ACSM6: variants seen among roughly 807,000 people sequenced by gnomAD.
The protein encoded by ACSM6 is acyl-coenzyme A synthetase ACSM6, mitochondrial.
ACSM6 carries 35 observed loss-of-function variants against 51.1 expected under a neutral mutation model. The observed-to-expected ratio is 0.69, with a 90% CI of 0.52 to 0.91. The LOEUF (loss-of-function observed/expected upper bound fraction) is 0.91. Ranked by LOEUF, ACSM6 falls within the 40% of genes least tolerant of loss-of-function variation. ACSM6 has a pLI of 0.00. For synonymous variants in ACSM6, 172 were observed against 207.3 expected (o/e 0.83, Z 1.46); for missense variants, 509 against 584.1 (o/e 0.87, Z 1.32).
At chr10:95,197,953 A>T (rs1208771265) in intron 2 of ACSM6, among the ~76,000 whole-genome samples, 1 of 152,246 alleles carries the variant, frequency 6.6e-6, no homozygotes, top group Non-Finnish European at 1.5e-5. Context: ...GACTTTTACC[A>T]AGTATACTGC....
At position 95,225,207 on chromosome 10, in the gene ACSM6, G is replaced by A. The variant is rs563240511; in HGVS notation, c.1201-83G>A. 3.3e-5 allele frequency: 34 copies of A among 1,030,044 alleles called. No individual in the cohort carries two copies. The East Asian group carries it at 8.1e-4, about 25-fold the overall frequency. 63.8% of individuals were successfully genotyped at this position (1,030,044 alleles called of 1,614,324 possible). A position where few individuals can be genotyped will look rare whatever the true frequency, so the allele number is the denominator to read the frequency against. On this transcript the variant is annotated intron_variant, in intron 9 of 10. Coordinates refer to ENST00000341686, the Ensembl canonical transcript of ACSM6. The stretch of plus-strand genomic sequence containing the variant: ...TGGCATCTTAAATGGGGGTAGAAAG[G>A]CTTAAGTTTAGATCTTGTGGTGTTT...
chr10:95,202,938 CAAAA>C (rs35376103), intron 3 of ACSM6, among the ~76,000 whole-genome samples: 1 of 85,920 alleles, frequency 1.2e-5, no homozygotes, highest in Admixed American at 1.3e-4. Flanking sequence ...GGCTCTGTCT[CAAAA>C]AAAAAAAAAA....
At chr10:95,203,086 C>A (rs2034810293) in intron 3 of ACSM6, among the ~76,000 whole-genome samples, 1 of 152,150 alleles carries the variant, frequency 6.6e-6, no homozygotes, top group Non-Finnish European at 1.5e-5. Flanking sequence ...TACAGCCACT[C>A]CCCATTGCTT....
chr10:95,197,314 C>G (rs924055788), intron 2 of ACSM6, among the ~76,000 whole-genome samples: 3 of 152,134 alleles, frequency 2.0e-5, no homozygotes. Context: ...CCCAGGGGAC[C>G]GGCACTCAGC....
exon 2 of ACSM6, chr10:95,194,598 C>T (rs1368846171): frequency 6.4e-7 from 1 of 1,552,170 alleles, no homozygotes; most frequent in Non-Finnish European, 8.7e-7. Context: ...CCCCCTGACT[C>T]CAGGTGCCTA....
intron 3 of ACSM6, among the ~76,000 whole-genome samples, chr10:95,203,857 TAAAAAAAAAAA>T (rs34969526): frequency 2.8e-5 from 3 of 106,870 alleles, no homozygotes; most frequent in African/African-American, 7.4e-5. Flanking sequence ...ATGCTAGATT[TAAAAAAAAAAA>T]AAAAAAAAAA....
chr10:95,195,435 G>A (rs752706592), intron 2 of ACSM6, among the ~76,000 whole-genome samples: 3 of 152,212 alleles, frequency 2.0e-5, no homozygotes, highest in Non-Finnish European at 4.4e-5. Flanking sequence ...TATAGGGTCA[G>A]AGGGAAGAGT....
intron 9 of ACSM6, among the ~76,000 whole-genome samples, chr10:95,223,838 T>C (rs1285818777): frequency 2.0e-5 from 3 of 152,072 alleles, no homozygotes; most frequent in Non-Finnish European, 2.9e-5. Context: ...AGCATCCCAA[T>C]TGGAAAAGAA....
chr10:95,212,105 C>T (rs2034899097), intron 6 of ACSM6, 71 bp downstream of exon 6: 3 of 1,570,842 alleles, frequency 1.9e-6, no homozygotes, highest in Non-Finnish European at 1.7e-6. Context: ...GACCCAGTGA[C>T]TCATGCCCAG....
chr10:95,207,499 G>A, intron 4 of ACSM6, 84 bp downstream of exon 4: 2 of 1,407,934 alleles, frequency 1.4e-6, no homozygotes, highest in Admixed American at 3.4e-5. Flanking sequence ...AGTGGTGTGA[G>A]TGGTCAGAAT....
At chr10:95,214,779 G>C in intron 7 of ACSM6, 73 bp from the exon 8 acceptor site, 1 of 1,484,482 alleles carries the variant, frequency 6.7e-7, no homozygotes, top group Non-Finnish European at 9.1e-7. Flanking sequence ...ATTTTTCCAA[G>C]ATTCTTTCTA....
At chr10:95,221,450 A>G (rs2034994797) in intron 9 of ACSM6, among the ~76,000 whole-genome samples, 1 of 152,052 alleles carries the variant, frequency 6.6e-6, no homozygotes, top group Admixed American at 6.6e-5. Context: ...GCCGGGTGTG[A>G]TGGCAGATGC....
At chr10:95,210,472 T>A (rs1054455048) in intron 4 of ACSM6, among the ~76,000 whole-genome samples, 178 bp from the exon 5 acceptor site, 10 of 152,076 alleles carry the variant, frequency 6.6e-5, no homozygotes, top group Non-Finnish European at 1.5e-4. Context: ...GCAACAAAAA[T>A]TAATGCAAAA....
At chr10:95,223,880 G>A (rs1299915222) in intron 9 of ACSM6, among the ~76,000 whole-genome samples, 1 of 152,094 alleles carries the variant, frequency 6.6e-6, no homozygotes, top group African/African-American at 2.4e-5. Context: ...AACATGACAT[G>A]ACCATGTATA....
chr10:95,198,071 TG>T (rs892690342), intron 2 of ACSM6, among the ~76,000 whole-genome samples: 2 of 152,198 alleles, frequency 1.3e-5, no homozygotes, highest in Admixed American at 6.5e-5. Flanking sequence ...TCAAAGTAGC[TG>T]GGGCAAAGTG....
chr10:95,216,362 A>C (rs1483861713), intron 8 of ACSM6, among the ~76,000 whole-genome samples: 1 of 152,088 alleles, frequency 6.6e-6, no homozygotes, highest in Non-Finnish European at 1.5e-5. Context: ...TTAGCACATA[A>C]ATTTTGAGGA....
chr10:95,202,006 C>G, exon 3 of ACSM6: 1 of 1,551,600 alleles, frequency 6.4e-7, no homozygotes, highest in Non-Finnish European at 8.7e-7. Context: ...AGGGCCTTAC[C>G]CCGCCCTCTG....
chr10:95,213,049 C>A, intron 7 of ACSM6, 109 bp downstream of exon 7: 4 of 866,830 alleles, frequency 4.6e-6, no homozygotes, highest in African/African-American at 1.7e-5. Flanking sequence ...TCCGGTAACA[C>A]ACTTGTCTTG....
At chr10:95,197,257 G>A (rs1189950506) in intron 2 of ACSM6, among the ~76,000 whole-genome samples, 2 of 152,184 alleles carry the variant, frequency 1.3e-5, no homozygotes, top group Non-Finnish European at 2.9e-5. Flanking sequence ...GAGAGACTGA[G>A]AAAAGAATTA....
Sources: gnomAD v4.1 joint callset for allele counts (sites outside exome capture counted in the v4.1 genomes callset) on GRCh38, gnomAD v4.1.1 for gene constraint, MANE v1.5 for transcripts, NCBI Gene and HGNC (gene_info 2026-07-23, HGNC 2026-07-21) for gene names.